Variants in IL1RAPL1 observed in about 807,000 individuals in gnomAD.
IL1RAPL1 encodes interleukin-1 receptor accessory protein-like 1.
In IL1RAPL1, 3 loss-of-function variants were observed where a neutral mutation model predicts 48.4. That is an observed-to-expected ratio of 0.06 (90% CI 0.03 to 0.16). The LOEUF is 0.16. Ranked by LOEUF, IL1RAPL1 falls within the 10% of genes least tolerant of loss-of-function variation. The probability of loss-of-function intolerance (pLI) is 1.00; values close to 1 mark genes in which losing one functional copy is unlikely to be tolerated. For synonymous variants in IL1RAPL1, 185 were observed against 187.7 expected, an observed-to-expected ratio of 0.99 and a Z score of 0.12; for missense variants, 349 against 530.6, an observed-to-expected ratio of 0.66 and a Z score of 3.36.
intron 1 of IL1RAPL1, among the ~76,000 whole-genome samples, chrX:28,769,155 G>A (rs1235661393): frequency 1.9e-5 from 2 of 107,851 alleles, no homozygotes; most frequent in African/African-American, 3.4e-5. Flanking sequence ...TTGTGTGTAT[G>A]TGTGTGTGTG....
intron 2 of IL1RAPL1, among the ~76,000 whole-genome samples, chrX:28,900,287 T>G (rs1423680149): frequency 8.9e-6 from 1 of 112,260 alleles, no homozygotes; most frequent in Non-Finnish European, 1.9e-5. Context: ...GCCTTCCTAC[T>G]TCCAGAAAAG....
At chrX:29,099,430 G>A (rs1029045722) in intron 2 of IL1RAPL1, among the ~76,000 whole-genome samples, 1 of 111,878 alleles carries the variant, frequency 8.9e-6, no homozygotes, top group African/African-American at 3.2e-5. Context: ...GACAAACAGT[G>A]TACAAAACAC....
intron 6 of IL1RAPL1, among the ~76,000 whole-genome samples, chrX:29,811,133 A>T (rs983097775): frequency 9.1e-6 from 1 of 110,377 alleles, no homozygotes; most frequent in Non-Finnish European, 1.9e-5. Flanking sequence ...GTGACAAAAG[A>T]GGGGGGTCAG....
intron 5 of IL1RAPL1, among the ~76,000 whole-genome samples, chrX:29,436,300 G>T (rs1028425353): frequency 9.1e-6 from 1 of 109,509 alleles, no homozygotes; most frequent in Non-Finnish European, 1.9e-5. Context: ...CAAAAATCTT[G>T]TTCAAAATTG....
At chrX:28,903,086 T>C (rs1242395026) in intron 2 of IL1RAPL1, among the ~76,000 whole-genome samples, 1 of 111,568 alleles carries the variant, frequency 9.0e-6, no homozygotes, top group Non-Finnish European at 1.9e-5. Context: ...AAGTAGGAAA[T>C]GAAGCTTCAG....
intron 5 of IL1RAPL1, among the ~76,000 whole-genome samples, chrX:29,585,275 A>C (rs1372653382): frequency 8.9e-6 from 1 of 112,274 alleles, no homozygotes; most frequent in Non-Finnish European, 1.9e-5. Context: ...ACTTCATGTA[A>C]GTGGAACAAT....
intron 8 of IL1RAPL1, among the ~76,000 whole-genome samples, chrX:29,927,724 T>C (rs1025838256): frequency 1.8e-5 from 2 of 111,622 alleles, no homozygotes; most frequent in Non-Finnish European, 3.8e-5. Context: ...GCAAATAACA[T>C]ATGGAGGAAC....
At chrX:28,613,181 CTTTAT>C (rs980413207) in intron 1 of IL1RAPL1, among the ~76,000 whole-genome samples, 3 of 112,312 alleles carry the variant, frequency 2.7e-5, no homozygotes, top group African/African-American at 9.7e-5. Flanking sequence ...CTCAGGTTGC[CTTTAT>C]TTTAAGATTA....
chrX:29,304,308 A>G (rs927752060), intron 3 of IL1RAPL1, among the ~76,000 whole-genome samples: 2 of 111,062 alleles, frequency 1.8e-5, no homozygotes, highest in Non-Finnish European at 3.8e-5. Context: ...CCACATGAAT[A>G]TCCACAGGAC....
At chrX:29,918,144 A>AAAAAAAAATATATATATATAT (rs1555935868) in intron 7 of IL1RAPL1, among the ~76,000 whole-genome samples, 1 of 23,761 alleles carries the variant, frequency 4.2e-5, no homozygotes, top group Admixed American at 5.8e-4. Context: ...AAAAAAAAAA[A>AAAAAAAAATATATATATATAT]ATATATATAT....
intron 1 of IL1RAPL1, among the ~76,000 whole-genome samples, chrX:28,611,532 T>A (rs34523262): frequency 0.081 from 9,115 of 112,383 alleles, 394 homozygotes; most frequent in Middle Eastern, 0.13. Context: ...AACCACAGCA[T>A]AAGAAGAGTG....
intron 2 of IL1RAPL1, among the ~76,000 whole-genome samples, chrX:28,912,304 G>C (rs1923380623): frequency 1.8e-5 from 2 of 110,253 alleles, no homozygotes; most frequent in Non-Finnish European, 3.8e-5. Context: ...TTTCTAATTT[G>C]TGCAGTAATT....
intron 1 of IL1RAPL1, among the ~76,000 whole-genome samples, chrX:28,734,502 A>G (rs1935796249): frequency 9.2e-6 from 1 of 109,246 alleles, no homozygotes; most frequent in Non-Finnish European, 1.9e-5. Flanking sequence ...TTTCCCATAT[A>G]TAATCCCACA....
chrX:29,706,257 A>G (rs1278202701), intron 6 of IL1RAPL1, among the ~76,000 whole-genome samples: 1 of 111,928 alleles, frequency 8.9e-6, no homozygotes, highest in Admixed American at 9.5e-5. Flanking sequence ...ACCAAATCAT[A>G]TCATTCTGCC....
chrX:29,301,546 A>G (rs1284261733), intron 3 of IL1RAPL1, among the ~76,000 whole-genome samples: 2 of 112,289 alleles, frequency 1.8e-5, no homozygotes, highest in African/African-American at 6.5e-5. Flanking sequence ...GACAATATTC[A>G]TGGACATGTA....
intron 2 of IL1RAPL1, among the ~76,000 whole-genome samples, chrX:29,197,030 A>G (rs780785802): frequency 7.5e-4 from 83 of 110,513 alleles, no homozygotes; most frequent in South Asian, 1.5e-3. Flanking sequence ...TAGGATTCTT[A>G]GAGGTTAGAG....
At chrX:29,953,104 G>A (rs749666325) in intron 9 of IL1RAPL1, among the ~76,000 whole-genome samples, 2 of 111,670 alleles carry the variant, frequency 1.8e-5, no homozygotes, top group African/African-American at 3.2e-5. Context: ...TCCCTCTATC[G>A]TTGATGTTTC....
chrX:29,078,054 G>A (rs777570755), intron 2 of IL1RAPL1, among the ~76,000 whole-genome samples: 1 of 112,186 alleles, frequency 8.9e-6, no homozygotes, highest in Non-Finnish European at 1.9e-5. Context: ...GAGGCAGGCG[G>A]ATCACCTGAG....
chrX:29,618,445 A>C (rs143981337), intron 5 of IL1RAPL1, among the ~76,000 whole-genome samples: 3,401 of 112,256 alleles, frequency 0.03, 124 homozygotes, highest in African/African-American at 0.1. Flanking sequence ...CATGTCTGGA[A>C]GTCAGCAGTC....
Sources: gnomAD v4.1 joint callset for allele counts (sites outside exome capture counted in the v4.1 genomes callset) on GRCh38, gnomAD v4.1.1 for gene constraint, MANE v1.5 for transcripts, NCBI Gene and HGNC (gene_info 2026-07-23, HGNC 2026-07-21) for gene names.